RAD51B: variants seen among roughly 807,000 people sequenced by gnomAD.
RAD51B encodes the protein RAD51 paralog B.
RAD51B carries 38 observed loss-of-function variants against 42.2 expected under a neutral mutation model. The ratio of observed to expected loss-of-function variants is 0.90; its 90% CI spans 0.70 to 1.18. The LOEUF (loss-of-function observed/expected upper bound fraction) is 1.18. RAD51B is among the 50% of genes most tolerant of loss of function. The pLI is 0.00. For missense variants in RAD51B, 373 were observed against 400.7 expected, an observed-to-expected ratio of 0.93 and a Z score of 0.59; for synonymous variants, 154 against 145.2, an observed-to-expected ratio of 1.06 and a Z score of -0.43.
At chr14:68,010,314 TAAG>T (rs1479381724) in intron 7 of RAD51B, among the ~76,000 whole-genome samples, 3 of 151,802 alleles carry the variant, frequency 2.0e-5, no homozygotes, top group Non-Finnish European at 4.4e-5. Context: ...CAGAGAAAAA[TAAG>T]AAATAACTTT....
chr14:68,370,265 A>G (rs2083225980), intron 8 of RAD51B, among the ~76,000 whole-genome samples: 1 of 152,242 alleles, frequency 6.6e-6, no homozygotes, highest in African/African-American at 2.4e-5. Context: ...TACAGTTTAC[A>G]TTTAGAAGAC....
At chr14:68,157,936 G>A (rs1384323511) in intron 7 of RAD51B, among the ~76,000 whole-genome samples, 5 of 152,134 alleles carry the variant, frequency 3.3e-5, no homozygotes, top group African/African-American at 1.2e-4. Flanking sequence ...GAGTGTTTAG[G>A]AAGCTGTGAT....
In RAD51B at chr14:68,229,786, T is replaced by C. The variant is rs568928736; in HGVS notation, c.757-62098T>C. Among the ~76,000 whole-genome samples, 8 of 152,306 alleles carry C rather than the reference T, an allele frequency of 5.3e-5. No homozygotes were observed. In the East Asian group the frequency reaches 1.5e-3, roughly 29 times the overall value. On this transcript the variant is annotated intron_variant, in intron 7 of 10. Transcript: ENST00000471583. The stretch of plus-strand genomic sequence containing the variant: ...ACACAACAGGGCAAGATCCTGGCTC[T>C]AGTTTGGGATTCGTCATGTCTTTTT...
intron 7 of RAD51B, among the ~76,000 whole-genome samples, chr14:68,028,383 C>T (rs1170858969): frequency 1.3e-5 from 2 of 152,168 alleles, no homozygotes; most frequent in Non-Finnish European, 2.9e-5. Context: ...GGGAGATAGG[C>T]CACACCCTTT....
rs899202017 is a variant in RAD51B, at chr14:67,946,550, T to C, written c.756+59346T>C. On this transcript the variant is annotated intron_variant, in intron 7 of 10. Transcript: ENST00000471583. ...GCCCAGCTGATTTTTGTATTTTTAG[T>C]AGAGACATGGTTTCACCATCTTGGC... 3.9e-5 allele frequency among the ~76,000 whole-genome samples: 6 copies of C among 152,202 alleles called. No individual in the cohort carries two copies. The South Asian group carries it at 1.0e-3, about 26-fold the overall frequency.
At chr14:68,006,260 C>T (rs2075590253) in intron 7 of RAD51B, among the ~76,000 whole-genome samples, 1 of 152,106 alleles carries the variant, frequency 6.6e-6, no homozygotes, top group African/African-American at 2.4e-5. Context: ...ATTATAAATA[C>T]CAATTCTTTG....
chr14:68,552,707 AG>A (rs1888640699), intron 10 of RAD51B, among the ~76,000 whole-genome samples: 1 of 152,180 alleles, frequency 6.6e-6, no homozygotes, highest in African/African-American at 2.4e-5. Flanking sequence ...GGAAAAAAAA[AG>A]TTAGTAATAA....
chr14:67,838,243 A>G (rs982677398), intron 4 of RAD51B, among the ~76,000 whole-genome samples: 2 of 152,168 alleles, frequency 1.3e-5, no homozygotes, highest in African/African-American at 4.8e-5. Flanking sequence ...TAGTGCTGCA[A>G]TAAAAATGGG....
intron 9 of RAD51B, among the ~76,000 whole-genome samples, chr14:68,451,553 G>C (rs766680105): frequency 4.6e-5 from 7 of 152,204 alleles, no homozygotes; most frequent in Non-Finnish European, 1.0e-4. Flanking sequence ...AGGGTGCCCT[G>C]TTGTCTCTCT....
intron 10 of RAD51B, among the ~76,000 whole-genome samples, chr14:68,632,501 C>T (rs1892251070): frequency 6.6e-6 from 1 of 152,202 alleles, no homozygotes; most frequent in Admixed American, 6.5e-5. Context: ...CACAAGTTGT[C>T]TAGGGTCCTG....
chr14:68,623,402 A>C (rs1277074783), intron 10 of RAD51B, among the ~76,000 whole-genome samples: 1 of 152,188 alleles, frequency 6.6e-6, no homozygotes, highest in Non-Finnish European at 1.5e-5. Flanking sequence ...GCACCTTTCC[A>C]AGAAGAGAAA....
chr14:68,010,043 AT>A (rs1335794807), intron 7 of RAD51B, among the ~76,000 whole-genome samples: 1 of 151,764 alleles, frequency 6.6e-6, no homozygotes, highest in Admixed American at 6.6e-5. Context: ...TAGTTTCTCA[AT>A]TTTGTTTTGT....
chr14:68,560,118 C>G (rs1279311017), intron 10 of RAD51B, among the ~76,000 whole-genome samples: 1 of 152,196 alleles, frequency 6.6e-6, no homozygotes, highest in Non-Finnish European at 1.5e-5. Flanking sequence ...GGAGTGACTT[C>G]TGACGAGCAT....
intron 7 of RAD51B, among the ~76,000 whole-genome samples, chr14:68,259,874 A>G (rs1190635716): frequency 6.6e-6 from 1 of 152,118 alleles, no homozygotes; most frequent in Non-Finnish European, 1.5e-5. Flanking sequence ...TTCCTTCATT[A>G]TATATTTATT....
chr14:67,998,259 C>T (rs1159502795), intron 7 of RAD51B, among the ~76,000 whole-genome samples: 1 of 152,138 alleles, frequency 6.6e-6, no homozygotes, highest in Non-Finnish European at 1.5e-5. Flanking sequence ...GAGGCTGAAG[C>T]AAATCTGACT....
intron 8 of RAD51B, among the ~76,000 whole-genome samples, chr14:68,297,665 G>A (rs1257634966): frequency 2.6e-5 from 4 of 152,138 alleles, no homozygotes; most frequent in Non-Finnish European, 5.9e-5. Context: ...GAAAGCCTAA[G>A]GTGTCACCAT....
At chr14:67,990,472 T>A (rs1047135120) in intron 7 of RAD51B, among the ~76,000 whole-genome samples, 8 of 152,238 alleles carry the variant, frequency 5.3e-5, no homozygotes, top group African/African-American at 1.9e-4. Context: ...TTCCTTACTT[T>A]GTAGGGAGGA....
At chr14:68,325,522 C>T (rs557790975) in intron 8 of RAD51B, among the ~76,000 whole-genome samples, 4 of 151,796 alleles carry the variant, frequency 2.6e-5, no homozygotes, top group South Asian at 2.1e-4. Flanking sequence ...TTTTATCTTT[C>T]GTCCTTGACT....
intron 9 of RAD51B, among the ~76,000 whole-genome samples, chr14:68,442,129 C>T (rs539942372): frequency 6.6e-6 from 1 of 152,166 alleles, no homozygotes; most frequent in Non-Finnish European, 1.5e-5. Context: ...AGATCCATGG[C>T]CAGTCAACAG....
Sources: allele counts gnomAD v4.1 joint callset (sites outside exome capture counted in the v4.1 genomes callset), GRCh38; gene constraint gnomAD v4.1.1; transcripts MANE v1.5; gene names NCBI Gene and HGNC (gene_info 2026-07-23, HGNC 2026-07-21).